Variants in TTC9 observed in about 807,000 individuals in gnomAD.
TTC9 encodes the protein tetratricopeptide repeat protein 9A.
TTC9 carries 13 observed loss-of-function variants against 22.9 expected under a neutral mutation model. The observed-to-expected ratio is 0.57, with a 90% CI of 0.37 to 0.90. The LOEUF is 0.90. Ranked by LOEUF, TTC9 falls within the 40% of genes least tolerant of loss-of-function variation. TTC9 has a pLI of 0.01. For synonymous variants in TTC9, 148 were observed against 133.2 expected (o/e 1.11, Z -0.77); for missense variants, 280 against 291.8 (o/e 0.96, Z 0.29).
Position 70,642,116 on chromosome 14 carries a change from G to T in TTC9, c.-14G>T, listed in dbSNP as rs1319154947. On this transcript the variant is annotated 5_prime_UTR_variant, in exon 1 of 3. Transcript: ENST00000256367. The stretch of plus-strand genomic sequence containing the variant: ...CAGATCGCGGCGCGCACCAGGCGCC[G>T]GGGCGGCGGCCGAATGGAGAGAAAG... 3 of 1,109,324 alleles carry T rather than the reference G, an allele frequency of 2.7e-6. No individual in the cohort carries two copies. The highest frequency in any genetic ancestry group is 4.3e-5 in the South Asian group (1 of 23,250). The allele number at this position is 1,109,324 out of a possible 1,614,324, so 68.7% of individuals were successfully genotyped here.
At position 70,655,137 on chromosome 14, in the gene TTC9, T is replaced by G. The variant is rs1299931095; in HGVS notation, c.407-12427T>G. Among the ~76,000 whole-genome samples the G allele has an allele frequency of 3.3e-5, 5 of 152,246 alleles. No individual in the cohort carries two copies. In the East Asian group the frequency reaches 9.6e-4, roughly 29 times the overall value. ...GCCCAGGCTCAGTGGCTCCCGCCTG[T>G]AATCCCAGCACTTTGGGAGGCCGAG... On this transcript the variant is annotated intron_variant, in intron 1 of 2. Coordinates refer to ENST00000256367, the MANE Select transcript of TTC9 (RefSeq NM_015351.2).
At chr14:70,643,565 A>G (rs778437040) in intron 1 of TTC9, among the ~76,000 whole-genome samples, 2 of 152,190 alleles carry the variant, frequency 1.3e-5, no homozygotes, top group Non-Finnish European at 2.9e-5. Context: ...AGTTCCTGAC[A>G]TGTGAGGTTG....
At chr14:70,671,004 T>A in intron 2 of TTC9, 72 bp from the exon 3 acceptor site, 1 of 1,459,142 alleles carries the variant, frequency 6.9e-7, no homozygotes, top group Non-Finnish European at 9.5e-7. Flanking sequence ...AGACACAGCC[T>A]TTGCTAATTC....
chr14:70,651,768 G>A (rs542366580), intron 1 of TTC9, among the ~76,000 whole-genome samples: 1 of 152,266 alleles, frequency 6.6e-6, no homozygotes, highest in South Asian at 2.1e-4. Flanking sequence ...CTCTGGTGTC[G>A]AGGAAGGCAT....
intron 1 of TTC9, among the ~76,000 whole-genome samples, chr14:70,662,329 G>A (rs988688315): frequency 2.0e-5 from 3 of 150,736 alleles, no homozygotes; most frequent in Non-Finnish European, 4.4e-5. Context: ...TAATGGTGGA[G>A]ATGTTTACTC....
At chr14:70,657,601 T>G (rs112474945) in intron 1 of TTC9, among the ~76,000 whole-genome samples, 197 of 152,154 alleles carry the variant, frequency 1.3e-3, no homozygotes, top group African/African-American at 4.6e-3. Context: ...GCAGTAGAAA[T>G]AGCAGCAGCA....
intron 1 of TTC9, among the ~76,000 whole-genome samples, chr14:70,661,633 A>G (rs555827630): frequency 4.6e-5 from 7 of 152,284 alleles, no homozygotes; most frequent in African/African-American, 1.7e-4. Context: ...AAACACAAAA[A>G]CAAAACAGGT....
chr14:70,662,413 CAAAAAAA>C (rs57369399), intron 1 of TTC9, among the ~76,000 whole-genome samples: 330 of 123,234 alleles, frequency 2.7e-3, no homozygotes, highest in African/African-American at 8.9e-3. Context: ...ATCTCTATGC[CAAAAAAA>C]AAAAAAAAAA....
chr14:70,649,767 C>T (rs1885954250), intron 1 of TTC9, among the ~76,000 whole-genome samples: 1 of 152,206 alleles, frequency 6.6e-6, no homozygotes. Context: ...CTCTCTTGCC[C>T]ATCTTCCAGT....
chr14:70,667,753 C>T lies in TTC9; in HGVS notation c.589+7C>T, dbSNP rs547793308. ...AGGACCCAACAACCAACAGGTAAGG[C>T]GGAAATAGCTGTTTTCTTACTTCCT... On this transcript the variant is annotated splice_region_variant and intron_variant, in intron 2 of 2. Transcript: ENST00000256367. 1.0e-5 allele frequency: 16 copies of T among 1,577,796 alleles called. No individual in the cohort carries two copies. The highest frequency in any genetic ancestry group is 8.2e-5 in the South Asian group (7 of 85,496).
At chr14:70,661,601 G>C (rs537735496) in intron 1 of TTC9, among the ~76,000 whole-genome samples, 1 of 152,164 alleles carries the variant, frequency 6.6e-6, no homozygotes. Context: ...AGTGGGTGGC[G>C]TTTTGCCCTG....
At chr14:70,659,119 A>AAC (rs201172906) in intron 1 of TTC9, among the ~76,000 whole-genome samples, 25 of 134,706 alleles carry the variant, frequency 1.9e-4, no homozygotes, top group African/African-American at 3.8e-4. Context: ...TATATAACTA[A>AAC]ACACACACAC....
intron 1 of TTC9, among the ~76,000 whole-genome samples, chr14:70,654,091 G>T (rs1276001989): frequency 6.6e-6 from 1 of 151,908 alleles, no homozygotes; most frequent in Non-Finnish European, 1.5e-5. Flanking sequence ...GTGTCCCTTG[G>T]ATCCGCTCAC....
chr14:70,664,707 C>T (rs1199891619), intron 1 of TTC9, among the ~76,000 whole-genome samples: 1 of 144,808 alleles, frequency 6.9e-6, no homozygotes, highest in Non-Finnish European at 1.5e-5. Flanking sequence ...CCAGCCTAGG[C>T]AATAGAGCGT....
intron 1 of TTC9, among the ~76,000 whole-genome samples, chr14:70,651,915 C>T (rs1247837750): frequency 1.5e-4 from 22 of 151,602 alleles, no homozygotes; most frequent in Admixed American, 1.4e-3. Context: ...ACTGGACACT[C>T]GCTATGTCTC....
chr14:70,670,603 T>C (rs939983398), intron 2 of TTC9, among the ~76,000 whole-genome samples: 1 of 151,880 alleles, frequency 6.6e-6, no homozygotes, highest in African/African-American at 2.4e-5. Context: ...AAACCAAGAT[T>C]GCACCACTAC....
intron 2 of TTC9, among the ~76,000 whole-genome samples, chr14:70,670,664 C>A (rs200907520): frequency 3.2e-4 from 49 of 150,780 alleles, no homozygotes; most frequent in South Asian, 1.1e-3. Flanking sequence ...AACAAACAAA[C>A]AAAAAAAAAT....
intron 1 of TTC9, among the ~76,000 whole-genome samples, chr14:70,658,467 C>G (rs1886096738): frequency 6.6e-6 from 1 of 152,216 alleles, no homozygotes; most frequent in African/African-American, 2.4e-5. Context: ...CTAAAGGGCA[C>G]ATTTGATGAT....
Position 70,673,312 on chromosome 14 carries a change from G to GTAAGT in TTC9, c.*2160_*2164dup, listed in dbSNP as rs1555362855. On this transcript the variant is annotated 3_prime_UTR_variant, in exon 3 of 3. Transcript: ENST00000256367. ...GCCGAGGGGCCCAGAAGAGAGCAGC[G>GTAAGT]TAAGTTATATTCACATAGTTCCCCA... The GTAAGT allele has an allele frequency of 6.6e-6, 1 of 152,210 alleles. No homozygotes were observed. The highest frequency in any genetic ancestry group is 1.5e-5 in the Non-Finnish European group (1 of 68,054). 9.4% of individuals were successfully genotyped at this position (152,210 alleles called of 1,614,324 possible).
Sources: gnomAD v4.1 joint callset for allele counts (sites outside exome capture counted in the v4.1 genomes callset) on GRCh38, gnomAD v4.1.1 for gene constraint, MANE v1.5 for transcripts, NCBI Gene and HGNC (gene_info 2026-07-23, HGNC 2026-07-21) for gene names.